Variants in LRP1B observed in about 807,000 individuals in gnomAD.
LRP1B encodes low-density lipoprotein receptor-related protein 1B.
A neutral mutation model predicts 556.6 loss-of-function variants in LRP1B; 217 were observed. The ratio of observed to expected loss-of-function variants is 0.39; its 90% CI spans 0.35 to 0.44. The LOEUF is 0.44. LRP1B is among the 20% of genes least tolerant of loss of function. The probability of loss-of-function intolerance (pLI) is 1.00; values close to 1 mark genes in which losing one functional copy is unlikely to be tolerated. For synonymous variants in LRP1B, 2,047 were observed against 1,865.8 expected, an observed-to-expected ratio of 1.10 and a Z score of -2.50; for missense variants, 5,053 against 5,620.8, an observed-to-expected ratio of 0.90 and a Z score of 3.23.
At chr2:140,268,623 A>G (rs1682316926) in intron 86 of LRP1B, among the ~76,000 whole-genome samples, 1 of 152,044 alleles carries the variant, frequency 6.6e-6, no homozygotes, top group South Asian at 2.1e-4. Flanking sequence ...GCACAATGCA[A>G]AAATAATTTC....
At chr2:140,530,911 G>A (rs1272796362) in intron 47 of LRP1B, among the ~76,000 whole-genome samples, 1 of 152,088 alleles carries the variant, frequency 6.6e-6, no homozygotes, top group Non-Finnish European at 1.5e-5. Flanking sequence ...GACTAAAAAA[G>A]AGGAAATATC....
At chr2:140,798,352 A>G (rs1303233317) in intron 32 of LRP1B, among the ~76,000 whole-genome samples, 1 of 152,208 alleles carries the variant, frequency 6.6e-6, no homozygotes, top group Non-Finnish European at 1.5e-5. Context: ...AATTACATTT[A>G]AAAGAAAAAA....
intron 87 of LRP1B, among the ~76,000 whole-genome samples, chr2:140,240,669 G>A (rs1680912223): frequency 6.6e-6 from 1 of 150,778 alleles, no homozygotes; most frequent in African/African-American, 2.4e-5. Context: ...TAAACCTCTG[G>A]TTGACAAGTC....
At chr2:141,074,985 T>G (rs181937986) in intron 7 of LRP1B, among the ~76,000 whole-genome samples, 93 of 152,258 alleles carry the variant, frequency 6.1e-4, no homozygotes, top group African/African-American at 2.1e-3. Flanking sequence ...TGACATTTCT[T>G]CAATATTCAC....
Position 140,700,552 on chromosome 2 carries a change from C to T in LRP1B, c.6497G>A (p.Arg2166Lys), listed in dbSNP as rs1559063263. Residue 2166 changes from arginine (R) to lysine (K), a missense_variant, in exon 41 of 91, where the codon AGA (arginine) becomes AAA (lysine). By Grantham distance (26) the Arg-to-Lys change is conservative. Transcript: ENST00000389484. ...QLCLYRGNSR[R>K]TCACAHGYLA... ...ATATCCATGGGCACAAGCACAAGTT[C>T]TCCGGGAATTTCCTCGATAAAGACA... The T allele has an allele frequency of 6.2e-7, 1 of 1,613,522 alleles. No homozygotes were observed. The highest frequency in any genetic ancestry group is 8.5e-7 in the Non-Finnish European group (1 of 1,179,658).
intron 31 of LRP1B, among the ~76,000 whole-genome samples, chr2:140,831,196 A>G (rs1353199606): frequency 6.6e-6 from 1 of 152,112 alleles, no homozygotes; most frequent in Admixed American, 6.5e-5. Flanking sequence ...GAGCCACAAA[A>G]GACCCCAAAT....
intron 61 of LRP1B, 115 bp downstream of exon 61, chr2:140,457,348 T>A (rs1159369195): frequency 1.2e-6 from 1 of 820,076 alleles, no homozygotes; most frequent in African/African-American, 1.7e-5. Context: ...GCTAAATAAT[T>A]AAATCTAGTA....
chr2:140,633,618 T>C lies in LRP1B; in HGVS notation c.6800-31979A>G, dbSNP rs1346779781. ...AAAGAGACAAGAAGACACAAATTACTTGATATTAGAAATCAAGTCCTTGCT... is the reference window on the plus strand; with the variant it reads ...AAAGAGACAAGAAGACACAAATTACCTGATATTAGAAATCAAGTCCTTGCT... On this transcript the variant is annotated intron_variant, in intron 41 of 90. Coordinates refer to ENST00000389484, the MANE Select transcript of LRP1B (RefSeq NM_018557.3). Among the ~76,000 whole-genome samples, 4 of 152,040 alleles carry C rather than the reference T, an allele frequency of 2.6e-5. No homozygotes were observed. The East Asian group carries it at 5.8e-4, about 22-fold the overall frequency.
intron 2 of LRP1B, among the ~76,000 whole-genome samples, chr2:141,504,391 G>C (rs1683842618): frequency 6.6e-6 from 1 of 152,022 alleles, no homozygotes; most frequent in Non-Finnish European, 1.5e-5. Context: ...CTTGTAGATA[G>C]ATCCCAGGAA....
At chr2:140,276,998 G>T (rs1348147913) in intron 84 of LRP1B, among the ~76,000 whole-genome samples, 1 of 151,784 alleles carries the variant, frequency 6.6e-6, no homozygotes, top group African/African-American at 2.4e-5. Context: ...CTTGTAAATA[G>T]ATTTGATTTG....
At chr2:141,373,055 T>C (rs1174162774) in intron 3 of LRP1B, among the ~76,000 whole-genome samples, 3 of 152,114 alleles carry the variant, frequency 2.0e-5, no homozygotes, top group Admixed American at 6.5e-5. Flanking sequence ...TTTTCATTTG[T>C]TCCAAAATTT....
At chr2:142,001,825 A>G (rs1202112063) in intron 1 of LRP1B, among the ~76,000 whole-genome samples, 1 of 152,158 alleles carries the variant, frequency 6.6e-6, no homozygotes, top group Non-Finnish European at 1.5e-5. Context: ...AAAATTAGGA[A>G]TGTAAGCCTG....
rs114013549 is a variant in LRP1B at position 140,763,452 on chromosome 2, C to T, written c.5758+5761G>A. ...TGCTTCATGTGGATTAAACTAAAGTCGGTGTCAAGATCTTTCCCTTTCCTG... is the reference window on the plus strand; with the variant it reads ...TGCTTCATGTGGATTAAACTAAAGTTGGTGTCAAGATCTTTCCCTTTCCTG... On this transcript the variant is annotated intron_variant, in intron 35 of 90. Coordinates refer to ENST00000389484, the MANE Select transcript of LRP1B (RefSeq NM_018557.3). 7.1e-3 allele frequency among the ~76,000 whole-genome samples: 1,077 copies of T among 152,134 alleles called. 34 individuals are homozygous for T. The East Asian group carries it at 0.1, about 14-fold the overall frequency.
chr2:140,374,922 A>C (rs1683154155), intron 68 of LRP1B, among the ~76,000 whole-genome samples: 1 of 152,130 alleles, frequency 6.6e-6, no homozygotes, highest in East Asian at 1.9e-4. Context: ...TTGGTAAAGT[A>C]AGGACTCAAA....
intron 1 of LRP1B, among the ~76,000 whole-genome samples, chr2:141,923,485 T>TGC (rs1364936626): frequency 6.1e-5 from 4 of 65,762 alleles, no homozygotes; most frequent in African/African-American, 1.5e-4. Context: ...TGTGTGTGTG[T>TGC]GTAGAGAGAG....
intron 18 of LRP1B, among the ~76,000 whole-genome samples, chr2:140,981,482 T>C (rs1340214232): frequency 6.6e-6 from 1 of 152,122 alleles, no homozygotes; most frequent in Non-Finnish European, 1.5e-5. Context: ...TGTTACTGTG[T>C]TTCAGTAGAC....
chr2:141,912,789 A>G (rs80124166), intron 1 of LRP1B, among the ~76,000 whole-genome samples: 1 of 152,174 alleles, frequency 6.6e-6, no homozygotes, highest in Admixed American at 6.5e-5. Flanking sequence ...AATCTGTACA[A>G]ATAAACATTG....
chr2:140,865,779 C>G (rs1692931293), intron 27 of LRP1B, among the ~76,000 whole-genome samples: 1 of 152,000 alleles, frequency 6.6e-6, no homozygotes, highest in East Asian at 1.9e-4. Context: ...TAAAATCTTG[C>G]TTATTTTATG....
chr2:141,540,375 T>A (rs1685214844), intron 2 of LRP1B, among the ~76,000 whole-genome samples: 2 of 152,018 alleles, frequency 1.3e-5, no homozygotes, highest in African/African-American at 4.8e-5. Context: ...AATATTGTCA[T>A]CATTAATAGA....
Sources: allele counts gnomAD v4.1 joint callset (sites outside exome capture counted in the v4.1 genomes callset), GRCh38; gene constraint gnomAD v4.1.1; transcripts MANE v1.5; gene names NCBI Gene and HGNC (gene_info 2026-07-23, HGNC 2026-07-21).